NCEH1: variants seen among roughly 807,000 people sequenced by gnomAD.
NCEH1 encodes neutral cholesterol ester hydrolase 1, also known as 2-acetyl MAGE hydrolase.
A neutral mutation model predicts 25.4 loss-of-function variants in NCEH1; 9 were observed. That is an observed-to-expected ratio of 0.35 (90% CI 0.21 to 0.62). NCEH1 has a LOEUF of 0.62. NCEH1 is among the 20% of genes least tolerant of loss of function. The pLI is 0.72. For missense variants in NCEH1, 412 were observed against 501.1 expected (o/e 0.82, Z 1.70); for synonymous variants, 200 against 199.8 (o/e 1.00, Z -0.01).
intron 1 of NCEH1, among the ~76,000 whole-genome samples, chr3:172,694,646 C>T (rs564838460): frequency 5.9e-5 from 9 of 152,296 alleles, no homozygotes; most frequent in African/African-American, 1.9e-4. Flanking sequence ...GCCTGGAGTG[C>T]ACTTGTGGGG....
intron 2 of NCEH1, among the ~76,000 whole-genome samples, 184 bp downstream of exon 2, chr3:172,647,702 C>T (rs1220776661): frequency 1.3e-5 from 2 of 152,092 alleles, no homozygotes; most frequent in Non-Finnish European, 2.9e-5. Context: ...AAACCAGGAC[C>T]CTTTTGAGAG....
chr3:172,654,922 G>T (rs1408617355), intron 1 of NCEH1, among the ~76,000 whole-genome samples: 1 of 152,160 alleles, frequency 6.6e-6, no homozygotes, highest in Non-Finnish European at 1.5e-5. Flanking sequence ...TTATCTGCAT[G>T]AAAATATGAG....
chr3:172,706,024 A>C (rs1379802917), intron 1 of NCEH1, among the ~76,000 whole-genome samples: 2 of 151,498 alleles, frequency 1.3e-5, no homozygotes, highest in East Asian at 1.9e-4. Context: ...AAAAAAAAAA[A>C]AAAAAAAACC....
intron 1 of NCEH1, among the ~76,000 whole-genome samples, chr3:172,701,466 T>TTTTTTTTTTAA (rs1159407444): frequency 2.8e-5 from 4 of 143,584 alleles, no homozygotes; most frequent in Non-Finnish European, 6.0e-5. Flanking sequence ...TTTTTTTTTT[T>TTTTTTTTTTAA]AAAGACGGAG....
intron 1 of NCEH1, among the ~76,000 whole-genome samples, chr3:172,660,325 A>ATAG (rs1717915263): frequency 6.6e-6 from 1 of 152,178 alleles, no homozygotes; most frequent in Admixed American, 6.5e-5. Flanking sequence ...TTATGGCTGC[A>ATAG]TAGTATTCCA....
At chr3:172,707,182 T>C (rs182545022) in intron 1 of NCEH1, among the ~76,000 whole-genome samples, 60 of 152,298 alleles carry the variant, frequency 3.9e-4, no homozygotes, top group African/African-American at 1.4e-3. Context: ...AAAAAAATCT[T>C]TGTCTGCATA....
intron 1 of NCEH1, among the ~76,000 whole-genome samples, chr3:172,667,259 G>C (rs1718258592): frequency 1.3e-5 from 2 of 152,248 alleles, no homozygotes; most frequent in Non-Finnish European, 2.9e-5. Context: ...CTCCAAGACA[G>C]TACTTAATTA....
chr3:172,707,790 A>G (rs899653800), intron 1 of NCEH1, among the ~76,000 whole-genome samples: 10 of 152,014 alleles, frequency 6.6e-5, no homozygotes, highest in Non-Finnish European at 1.0e-4. Flanking sequence ...GTTTCACCGT[A>G]TTAGCCAGGA....
In NCEH1 at chr3:172,647,906, C is replaced by A; in HGVS notation, c.347G>T (p.Gly116Val). Residue 116 changes from glycine to valine, a missense_variant, in exon 2 of 5, where the codon GGC becomes GTC. Coordinates refer to ENST00000475381, the MANE Select transcript of NCEH1 (RefSeq NM_020792.6). Reference sequence around the variant, plus strand: ...CGCACTTGCACTTGCCAAGGCCCAGCCTCCTCCGTGGATATAAACGACGCT... The same window carrying A: ...CGCACTTGCACTTGCCAAGGCCCAGACTCCTCCGTGGATATAAACGACGCT... ...KRSVVYIHGGGWALASAKIRY... is the reference protein window; with the variant it reads ...KRSVVYIHGGVWALASAKIRY... The A allele has an allele frequency of 6.2e-7, 1 of 1,614,176 alleles. No individual in the cohort carries two copies. Among genetic ancestry groups the A allele is most frequent in the Non-Finnish European group, 8.5e-7 (1 of 1,180,024 alleles).
intron 1 of NCEH1, among the ~76,000 whole-genome samples, chr3:172,694,895 A>G (rs1453965546): frequency 2.0e-5 from 3 of 152,168 alleles, no homozygotes; most frequent in Non-Finnish European, 2.9e-5. Flanking sequence ...TGACCTGCCA[A>G]CAAATTTCTC....
chr3:172,680,827 C>T (rs958559899), intron 1 of NCEH1: 1 of 152,216 alleles, frequency 6.6e-6, no homozygotes, highest in African/African-American at 2.4e-5. Flanking sequence ...AGTGGTCAGA[C>T]AGCAGAGTGC....
rs566485325 is a variant in NCEH1 at position 172,649,182 on chromosome 3, C to G, written c.139-1068G>C. ...TGGGCAAATTCCTGAGCCCTTTACC[C>G]CAGTGTCCCATATAAACATTATAAC... On this transcript the variant is annotated intron_variant, in intron 1 of 4. Transcript: ENST00000475381. 1.3e-3 allele frequency among the ~76,000 whole-genome samples: 193 copies of G among 152,128 alleles called. 2 individuals carry two copies. Among genetic ancestry groups the G allele is most frequent in the Non-Finnish European group, 2.2e-3 (150 of 68,008 alleles).
intron 2 of NCEH1, 54 bp downstream of exon 2, chr3:172,647,832 T>A: frequency 6.2e-7 from 1 of 1,603,712 alleles, no homozygotes; most frequent in Non-Finnish European, 8.5e-7. Context: ...CAGTTACGCA[T>A]CTCCCCCAAG....
In NCEH1 at chr3:172,633,420, C is replaced by A; in HGVS notation, c.*55G>T. 2 of 1,537,296 alleles carry A rather than the reference C, an allele frequency of 1.3e-6. No homozygotes were observed. Among genetic ancestry groups the A allele is most frequent in the South Asian group, 2.5e-5 (2 of 79,840 alleles). ...GTCAACTAAAAAGTGCATGTCTTTCCAAAGCAGGTGTAGGAGGTCAAGAGG... is the reference window on the plus strand; with the variant it reads ...GTCAACTAAAAAGTGCATGTCTTTCAAAAGCAGGTGTAGGAGGTCAAGAGG... On this transcript the variant is annotated 3_prime_UTR_variant, in exon 5 of 5. Transcript: ENST00000475381.
At chr3:172,693,666 C>T (rs569985895) in intron 1 of NCEH1, among the ~76,000 whole-genome samples, 8 of 152,240 alleles carry the variant, frequency 5.3e-5, no homozygotes, top group Admixed American at 2.0e-4. Flanking sequence ...CTTCTGTAGA[C>T]GTAACCAATA....
At chr3:172,666,163 G>T (rs1362668003) in intron 1 of NCEH1, among the ~76,000 whole-genome samples, 2 of 152,214 alleles carry the variant, frequency 1.3e-5, no homozygotes, top group Non-Finnish European at 2.9e-5. Flanking sequence ...AGTCTGGCAA[G>T]CTTTGATATG....
In NCEH1 at chr3:172,648,065, T is replaced by G. The variant is rs1717205515; in HGVS notation, c.188A>C (p.Asn63Thr). 1 of 1,613,872 alleles carries G rather than the reference T, an allele frequency of 6.2e-7. No homozygotes were observed. The highest frequency in any genetic ancestry group is 8.5e-7 in the Non-Finnish European group (1 of 1,179,986). Reference protein sequence around the residue: ...LGLSHHLLALNFIIVSFGKKS... With the variant: ...LGLSHHLLALTFIIVSFGKKS... Reference sequence around the variant, plus strand: ...TTTGCCAAAAGAAACAATGATAAAATTCAGTGCCAGCAGGTGATGGCTCAG... The same window carrying G: ...TTTGCCAAAAGAAACAATGATAAAAGTCAGTGCCAGCAGGTGATGGCTCAG... Residue 63 changes from asparagine (N) to threonine (T), a missense_variant, in exon 2 of 5, where the codon AAT becomes ACT. Transcript: ENST00000475381.
chr3:172,685,110 G>A (rs1323064738), intron 1 of NCEH1, among the ~76,000 whole-genome samples: 1 of 151,806 alleles, frequency 6.6e-6, no homozygotes. Flanking sequence ...TGGGCATCAT[G>A]GTAAAACCCC....
At chr3:172,708,114 T>C (rs1337494441) in intron 1 of NCEH1, among the ~76,000 whole-genome samples, 1 of 149,836 alleles carries the variant, frequency 6.7e-6, no homozygotes, top group Non-Finnish European at 1.5e-5. Context: ...ACAATGAACA[T>C]AATCTCAATA....
Sources: allele counts gnomAD v4.1 joint callset (sites outside exome capture counted in the v4.1 genomes callset), GRCh38; gene constraint gnomAD v4.1.1; transcripts MANE v1.5; gene names NCBI Gene and HGNC (gene_info 2026-07-23, HGNC 2026-07-21).